The following ADD1 variants were observed in gnomAD, a reference collection of about 807,000 sequenced individuals.
The protein encoded by ADD1 is alpha-adducin.
A neutral mutation model predicts 80.5 loss-of-function variants in ADD1; 24 were observed. The observed-to-expected ratio is 0.30, with a 90% confidence interval of 0.22 to 0.42. The LOEUF (loss-of-function observed/expected upper bound fraction) is 0.42. Ranked by LOEUF, ADD1 falls within the 10% of genes least tolerant of loss-of-function variation. The pLI is 1.00. For synonymous variants in ADD1, 373 were observed against 393.8 expected (o/e 0.95, Z 0.63); for missense variants, 948 against 1,019.0 (o/e 0.93, Z 0.95).
chr4:2,863,981 A>G (rs1729179663), intron 1 of ADD1, among the ~76,000 whole-genome samples: 1 of 152,230 alleles, frequency 6.6e-6, no homozygotes, highest in African/African-American at 2.4e-5. Flanking sequence ...TGTGGGGCAC[A>G]TTTAACCCCT....
rs2109228854 is a variant in ADD1, at chr4:2,926,541, CCCG to C, written c.2047+430_2047+432del. 1.6e-6 allele frequency: 2 copies of C among 1,276,816 alleles called. No individual in the cohort carries two copies. Among genetic ancestry groups the C allele is most frequent in the South Asian group, 2.5e-5 (2 of 79,528 alleles). 79.1% of individuals were successfully genotyped at this position (1,276,816 alleles called of 1,614,324 possible). A position where few individuals can be genotyped will look rare whatever the true frequency, so the allele number is the denominator to read the frequency against. On this transcript the variant is annotated intron_variant, in intron 15 of 15. Transcript: ENST00000683351. The surrounding 1 kb of genome is among the most constrained non-coding windows in gnomAD (Gnocchi z 5.0). Reference sequence around the variant, plus strand: ...TCGTACATCCATGTCTCTCGTGAAGCCCGTGGCCCTGCCTTTCTTCTTCTGTAA... The same window carrying C: ...TCGTACATCCATGTCTCTCGTGAAGCTGGCCCTGCCTTTCTTCTTCTGTAA...
At chr4:2,894,502 C>A (rs372122558) in intron 5 of ADD1, 80 bp from the exon 6 acceptor site, 4 of 1,274,178 alleles carry the variant, frequency 3.1e-6, no homozygotes, top group East Asian at 2.6e-5. Flanking sequence ...CAGAGCCAGA[C>A]CCTATCAAAA....
chr4:2,876,568 GGCTCAC>G (rs1731327910), intron 2 of ADD1, among the ~76,000 whole-genome samples: 1 of 152,056 alleles, frequency 6.6e-6, no homozygotes, highest in Admixed American at 6.6e-5. Flanking sequence ...CAGGCGCGGT[GGCTCAC>G]GCCTGTAATC....
At chr4:2,899,562 A>G in intron 9 of ADD1, 127 bp downstream of exon 9, 2 of 1,009,916 alleles carry the variant, frequency 2.0e-6, no homozygotes, top group Non-Finnish European at 3.1e-6. Flanking sequence ...CAAAGTCATG[A>G]AGAAGCACTA....
At chr4:2,872,538 T>C (rs1171577725) in intron 1 of ADD1, among the ~76,000 whole-genome samples, 2 of 152,244 alleles carry the variant, frequency 1.3e-5, no homozygotes, top group Non-Finnish European at 2.9e-5. Flanking sequence ...GATATTGTAT[T>C]GAGCAGATTT....
intron 9 of ADD1, chr4:2,899,915 G>C: frequency 3.8e-6 from 1 of 266,262 alleles, no homozygotes; most frequent in Non-Finnish European, 7.3e-6. Context: ...CACAGAGCCC[G>C]GCATGGTCCA....
chr4:2,872,997 T>A lies in ADD1; in HGVS notation c.-20-2899T>A, dbSNP rs371439527. 1.3e-3 allele frequency among the ~76,000 whole-genome samples: 195 copies of A among 152,166 alleles called. 1 individual carries two copies. The highest frequency in any genetic ancestry group is 3.9e-3 in the Admixed American group (60 of 15,266). Reference sequence around the variant, plus strand: ...TTTTTAACTTTTTGATTAAATAATATTATTATTATTTTTTAAGACGGAGTC... The same window carrying A: ...TTTTTAACTTTTTGATTAAATAATAATATTATTATTTTTTAAGACGGAGTC... On this transcript the variant is annotated intron_variant, in intron 1 of 15. Coordinates refer to ENST00000683351, the MANE Select transcript of ADD1 (RefSeq NM_001354761.2).
intron 10 of ADD1, among the ~76,000 whole-genome samples, chr4:2,907,041 G>A (rs908432332): frequency 4.6e-5 from 7 of 152,182 alleles, no homozygotes; most frequent in Admixed American, 4.6e-4. Context: ...GCATGCTGAC[G>A]AGATGCACTG....
intron 1 of ADD1, among the ~76,000 whole-genome samples, chr4:2,874,265 T>C (rs1730896577): frequency 6.6e-6 from 1 of 152,180 alleles, no homozygotes; most frequent in South Asian, 2.1e-4. Flanking sequence ...TCGTTTATTC[T>C]ATGTTGATGT....
At chr4:2,846,740 A>G (rs901740343) in intron 1 of ADD1, among the ~76,000 whole-genome samples, 1 of 149,310 alleles carries the variant, frequency 6.7e-6, no homozygotes, top group Non-Finnish European at 1.5e-5. Flanking sequence ...TGAGGCTAAG[A>G]TGGTACGAAC....
At chr4:2,891,827 G>A (rs1026283901) in intron 4 of ADD1, among the ~76,000 whole-genome samples, 2 of 152,108 alleles carry the variant, frequency 1.3e-5, no homozygotes, top group Non-Finnish European at 2.9e-5. Context: ...GAGACAATCA[G>A]GTGAGTTTAG....
At chr4:2,872,730 T>C (rs1730645681) in intron 1 of ADD1, among the ~76,000 whole-genome samples, 1 of 152,084 alleles carries the variant, frequency 6.6e-6, no homozygotes, top group Non-Finnish European at 1.5e-5. Flanking sequence ...CTAATTTTTT[T>C]GATTTTTTTT....
Position 2,926,212 on chromosome 4 carries a change from G to C in ADD1, c.2047+100G>C. 1 of 1,045,034 alleles carries C rather than the reference G, an allele frequency of 9.6e-7. No homozygotes were observed. Among genetic ancestry groups the C allele is most frequent in the Non-Finnish European group, 1.5e-6 (1 of 673,852 alleles). The allele number at this position is 1,045,034 out of a possible 1,614,324, so 64.7% of individuals were successfully genotyped here. On this transcript the variant is annotated intron_variant, in intron 15 of 15. Transcript: ENST00000683351. The surrounding 1 kb of genome is among the most constrained non-coding windows in gnomAD (Gnocchi z 5.0). ...GAGTCGTGTTAACAGCAACACGGAA[G>C]TGTGTGCTTGCATCAGCGCCAGGAC...
At chr4:2,903,453 T>C (rs1736528871) in intron 9 of ADD1, among the ~76,000 whole-genome samples, 1 of 152,224 alleles carries the variant, frequency 6.6e-6, no homozygotes, top group Non-Finnish European at 1.5e-5. Flanking sequence ...TCATAAAGGC[T>C]GCATTCAGGG....
chr4:2,863,363 T>C (rs999344648), intron 1 of ADD1, among the ~76,000 whole-genome samples: 1 of 151,986 alleles, frequency 6.6e-6, no homozygotes, highest in Admixed American at 6.6e-5. Context: ...AAGGCTTTAC[T>C]TGGAATTTTT....
At chr4:2,887,906 G>A (rs1242291195) in intron 4 of ADD1, among the ~76,000 whole-genome samples, 7 of 152,000 alleles carry the variant, frequency 4.6e-5, no homozygotes, top group African/African-American at 1.7e-4. Flanking sequence ...TTGTAATTTT[G>A]CACTTTCTCC....
Position 2,906,004 on chromosome 4 carries a change from G to A in ADD1, c.1506+896G>A, listed in dbSNP as rs148583006. On this transcript the variant is annotated intron_variant, in intron 10 of 15. Transcript: ENST00000683351. ...GACAGGGGCTGAAGCAGACTCATCT[G>A]TGCATGACTAGTTCATTAGGAGTTC... Among the ~76,000 whole-genome samples, 169 of 152,328 alleles carry A rather than the reference G, an allele frequency of 1.1e-3. 1 individual carries two copies. The highest frequency in any genetic ancestry group is 3.7e-3 in the Admixed American group (56 of 15,304).
At chr4:2,890,483 T>G (rs1734123916) in intron 4 of ADD1, among the ~76,000 whole-genome samples, 1 of 152,212 alleles carries the variant, frequency 6.6e-6, no homozygotes, top group African/African-American at 2.4e-5. Flanking sequence ...CTCTGCTCAC[T>G]GCAAGCTCTG....
chr4:2,878,859 A>G (rs1346089079), intron 2 of ADD1, among the ~76,000 whole-genome samples: 2 of 152,172 alleles, frequency 1.3e-5, no homozygotes, highest in African/African-American at 4.8e-5. Flanking sequence ...TAAGCCAGTG[A>G]GGGAGTTCAG....
Sources: allele counts gnomAD v4.1 joint callset (sites outside exome capture counted in the v4.1 genomes callset), GRCh38; gene constraint gnomAD v4.1.1; non-coding constraint Gnocchi (gnomAD v3.1); transcripts MANE v1.5; gene names NCBI Gene and HGNC (gene_info 2026-07-23, HGNC 2026-07-21).